SGMS2: variants seen among roughly 807,000 people sequenced by gnomAD.
SGMS2 encodes the protein phosphatidylcholine:ceramide cholinephosphotransferase 2.
SGMS2 carries 21 observed loss-of-function variants against 43.8 expected under a neutral mutation model. That is an observed-to-expected ratio of 0.48 (90% confidence interval 0.34 to 0.69). The LOEUF (loss-of-function observed/expected upper bound fraction) is 0.69, where lower values mean the gene tolerates loss of function less well. Among genes scored for constraint, SGMS2 ranks in the 30% least tolerant of loss-of-function variants. SGMS2 has a pLI of 0.01. For synonymous variants in SGMS2, 167 were observed against 160.6 expected (o/e 1.04, Z -0.30); for missense variants, 384 against 443.2 (o/e 0.87, Z 1.20).
rs1289052601 is a variant in SGMS2, at chr4:107,903,530, A to C, written c.727+144A>C. Reference sequence around the variant, plus strand: ...GTGTGTATATATGTATGTGAATGTGAATGTGTGTGTGTGCGTGTGTGTCTG... The same window carrying C: ...GTGTGTATATATGTATGTGAATGTGCATGTGTGTGTGTGCGTGTGTGTCTG... On this transcript the variant is annotated intron_variant, in intron 5 of 6. Coordinates refer to ENST00000690982, the MANE Select transcript of SGMS2 (RefSeq NM_001375905.1). 4 of 670,534 alleles carry C rather than the reference A, an allele frequency of 6.0e-6. No individual in the cohort carries two copies. In the East Asian group the frequency reaches 1.1e-4, roughly 19 times the overall value. 41.5% of individuals were successfully genotyped at this position (670,534 alleles called of 1,614,324 possible). A position where few individuals can be genotyped will look rare whatever the true frequency, so the allele number is the denominator to read the frequency against.
rs1329083242 is a variant in SGMS2, at chr4:107,866,927, G to A, written c.-245+8374G>A. On this transcript the variant is annotated intron_variant, in intron 2 of 6. Transcript: ENST00000690982. ...ACTGACCCAGGATTAATCATGACTTGTTTGTGGCCAAACTGAGAGAGAGAT... is the reference window on the plus strand; with the variant it reads ...ACTGACCCAGGATTAATCATGACTTATTTGTGGCCAAACTGAGAGAGAGAT... 3 of 152,192 alleles carry A rather than the reference G, an allele frequency of 2.0e-5. No homozygotes were observed. The East Asian group carries it at 5.8e-4, about 29-fold the overall frequency. 9.4% of individuals were successfully genotyped at this position (152,192 alleles called of 1,614,324 possible).
At chr4:107,894,151 T>A (rs1335448559) in intron 2 of SGMS2, 2 of 151,778 alleles carry the variant, frequency 1.3e-5, no homozygotes, top group Non-Finnish European at 2.9e-5. Context: ...GTCATCACTT[T>A]GAGTTTGTCC....
At chr4:107,902,907 A>G (rs1731245922) in intron 4 of SGMS2, among the ~76,000 whole-genome samples, 1 of 152,184 alleles carries the variant, frequency 6.6e-6, no homozygotes, top group Admixed American at 6.5e-5. Context: ...CCCCTGCAAA[A>G]AGAAAGTAGC....
intron 4 of SGMS2, among the ~76,000 whole-genome samples, chr4:107,901,980 C>T (rs991026358): frequency 2.6e-5 from 4 of 151,570 alleles, no homozygotes; most frequent in African/African-American, 4.9e-5. Flanking sequence ...AATCTTGGCT[C>T]ACCGCAACCT....
chr4:107,833,769 AT>A (rs991470509), intron 1 of SGMS2, among the ~76,000 whole-genome samples: 14 of 152,244 alleles, frequency 9.2e-5, no homozygotes, highest in African/African-American at 3.1e-4. Flanking sequence ...TGATGTTGAC[AT>A]TAAGATTATC....
At position 107,889,617 on chromosome 4, in the gene SGMS2, T is replaced by C. The variant is rs1730038809; in HGVS notation, c.-244-5693T>C. Among the ~76,000 whole-genome samples the C allele has an allele frequency of 2.0e-5, 3 of 152,276 alleles. 1 individual carries two copies. The South Asian group carries it at 6.2e-4, about 32-fold the overall frequency. Reference sequence around the variant, plus strand: ...TACACAACATATAAATGCATAGACATGTTAGGCATGCCAATAGAAACACAT... The same window carrying C: ...TACACAACATATAAATGCATAGACACGTTAGGCATGCCAATAGAAACACAT... On this transcript the variant is annotated intron_variant, in intron 2 of 6. Coordinates refer to ENST00000690982, the MANE Select transcript of SGMS2 (RefSeq NM_001375905.1).
At chr4:107,864,565 C>T (rs1044372421) in intron 2 of SGMS2, 4 of 152,114 alleles carry the variant, frequency 2.6e-5, no homozygotes, top group African/African-American at 9.7e-5. Flanking sequence ...AACATAAGTA[C>T]ATGACGTTTT....
intron 2 of SGMS2, chr4:107,864,070 A>G (rs1239098572): frequency 6.6e-6 from 1 of 152,260 alleles, no homozygotes; most frequent in East Asian, 1.9e-4. Flanking sequence ...TGTGTTAAGC[A>G]GTGAGCTTTT....
intron 1 of SGMS2, among the ~76,000 whole-genome samples, chr4:107,844,373 G>T (rs1200859009): frequency 6.6e-6 from 1 of 151,338 alleles, no homozygotes; most frequent in Non-Finnish European, 1.5e-5. Flanking sequence ...GCCAGGTTGG[G>T]TGGGCATGTA....
intron 1 of SGMS2, among the ~76,000 whole-genome samples, chr4:107,858,012 C>G (rs534074632): frequency 2.0e-5 from 3 of 151,834 alleles, no homozygotes; most frequent in East Asian, 3.9e-4. Context: ...GCTGCCCCAC[C>G]CCCCCCATCC....
intron 2 of SGMS2, among the ~76,000 whole-genome samples, chr4:107,880,725 A>G (rs1729268777): frequency 2.0e-5 from 3 of 151,900 alleles, no homozygotes; most frequent in Admixed American, 2.0e-4. Context: ...GCATGATGGC[A>G]TGCTTGTAAT....
chr4:107,910,251 T>C (rs1732006176), intron 6 of SGMS2, 99 bp from the exon 7 acceptor site: 1 of 1,002,326 alleles, frequency 1.0e-6, no homozygotes, highest in South Asian at 1.6e-5. Context: ...TTCTGAATTC[T>C]GTTTTCCCTA....
At chr4:107,884,715 A>G (rs1187056774) in intron 2 of SGMS2, among the ~76,000 whole-genome samples, 1 of 152,158 alleles carries the variant, frequency 6.6e-6, no homozygotes, top group Non-Finnish European at 1.5e-5. Flanking sequence ...ATGACCTGGA[A>G]GCCCCCTCCC....
chr4:107,903,705 T>A (rs997807958), intron 5 of SGMS2, among the ~76,000 whole-genome samples: 2 of 152,226 alleles, frequency 1.3e-5, no homozygotes, highest in African/African-American at 4.8e-5. Context: ...AAAAGCTATC[T>A]TAATATTGGA....
intron 6 of SGMS2, 98 bp from the exon 7 acceptor site, chr4:107,910,252 G>A: frequency 9.8e-7 from 1 of 1,025,406 alleles, no homozygotes; most frequent in East Asian, 2.5e-5. Flanking sequence ...TCTGAATTCT[G>A]TTTTCCCTAG....
rs1727409602 is a variant in SGMS2 at position 107,856,029 on chromosome 4, G to T, written c.-326-2443G>T. ...ATAAACATCAAGCTTTGCTGTCTCT[G>T]CAGTGATTTGCTACCGGGAGCAGGT... On this transcript the variant is annotated intron_variant, in intron 1 of 6. Transcript: ENST00000690982. Among the ~76,000 whole-genome samples, 3 of 152,076 alleles carry T rather than the reference G, an allele frequency of 2.0e-5. No homozygotes were observed. In the South Asian group the frequency reaches 6.2e-4, roughly 32 times the overall value.
intron 1 of SGMS2, among the ~76,000 whole-genome samples, chr4:107,848,513 G>A (rs1726962051): frequency 6.6e-6 from 1 of 152,100 alleles, no homozygotes. Flanking sequence ...CAGTGTGGGT[G>A]GATTATTTTG....
intron 2 of SGMS2, among the ~76,000 whole-genome samples, chr4:107,879,719 C>T (rs1729201070): frequency 6.6e-6 from 1 of 152,174 alleles, no homozygotes; most frequent in African/African-American, 2.4e-5. Flanking sequence ...GCCTCAGCTT[C>T]CCAAAGTGCT....
chr4:107,840,609 T>C (rs139680166), intron 1 of SGMS2, among the ~76,000 whole-genome samples: 152 of 152,310 alleles, frequency 1.0e-3, no homozygotes, highest in African/African-American at 3.4e-3. Flanking sequence ...AAGTTCCATG[T>C]TGATATGCAA....
Sources: allele counts gnomAD v4.1 joint callset (sites outside exome capture counted in the v4.1 genomes callset), GRCh38; gene constraint gnomAD v4.1.1; transcripts MANE v1.5; gene names NCBI Gene and HGNC (gene_info 2026-07-23, HGNC 2026-07-21).